Variants in DNAAF4 observed in about 807,000 individuals in gnomAD.
The protein encoded by DNAAF4 is dynein assembly factor 4, axonemal.
DNAAF4 carries 43 observed loss-of-function variants against 51.8 expected under a neutral mutation model. The observed-to-expected ratio is 0.83, with a 90% CI of 0.65 to 1.07. The LOEUF (loss-of-function observed/expected upper bound fraction) is 1.07. Among genes scored for constraint, DNAAF4 ranks in the 50% least tolerant of loss-of-function variants. DNAAF4 has a pLI of 0.00. For missense variants in DNAAF4, 581 were observed against 493.0 expected (o/e 1.18, Z -1.69); for synonymous variants, 194 against 165.6 (o/e 1.17, Z -1.32).
At chr15:55,468,246 C>T (rs575680010) in intron 4 of DNAAF4, among the ~76,000 whole-genome samples, 1 of 152,110 alleles carries the variant, frequency 6.6e-6, no homozygotes, top group African/African-American at 2.4e-5. Context: ...TTTAACATTA[C>T]GAGTATGAAA....
intron 3 of DNAAF4, among the ~76,000 whole-genome samples, chr15:55,496,412 T>C (rs1404944889): frequency 6.6e-6 from 1 of 152,194 alleles, no homozygotes; most frequent in Non-Finnish European, 1.5e-5. Flanking sequence ...GAACATCTGC[T>C]CTAGAGTGAA....
intron 4 of DNAAF4, among the ~76,000 whole-genome samples, chr15:55,482,531 G>A (rs554397170): frequency 2.6e-5 from 4 of 151,928 alleles, no homozygotes; most frequent in East Asian, 3.9e-4. Flanking sequence ...TACAAAAAAC[G>A]AGCTGGGCAT....
chr15:55,450,397 C>G (rs1490358291), intron 5 of DNAAF4, 30 bp from the exon 6 acceptor site: 1 of 1,596,574 alleles, frequency 6.3e-7, no homozygotes, highest in African/African-American at 1.3e-5. Context: ...AAACAAGTCA[C>G]TTATTTCTCA....
intron 5 of DNAAF4, among the ~76,000 whole-genome samples, chr15:55,456,673 C>T (rs1259536854): frequency 1.3e-5 from 2 of 152,180 alleles, no homozygotes; most frequent in Non-Finnish European, 2.9e-5. Flanking sequence ...CATGAAACAG[C>T]TGAAAAACCG....
chr15:55,446,192 G>A (rs191635507), intron 6 of DNAAF4, among the ~76,000 whole-genome samples: 5,666 of 139,818 alleles, frequency 0.041, 397 homozygotes, highest in African/African-American at 0.15. Context: ...CGGGGTGGCC[G>A]GGCAGAGGCG....
rs530527838 is a variant in DNAAF4 at position 55,435,116 on chromosome 15, A to T, written c.894-58T>A. ...TTAACATTGAAACAGAAACACAGAA[A>T]TAATATCTAATTGTATTTGACAAAG... On this transcript the variant is annotated intron_variant, in intron 7 of 9. Coordinates refer to ENST00000321149, the MANE Select transcript of DNAAF4 (RefSeq NM_130810.4). 35 of 1,516,782 alleles carry T rather than the reference A, an allele frequency of 2.3e-5. No individual in the cohort carries two copies. The South Asian group carries it at 4.4e-4, about 19-fold the overall frequency. 94.0% of individuals were successfully genotyped at this position (1,516,782 alleles called of 1,614,324 possible).
At position 55,497,832 on chromosome 15, in the gene DNAAF4, C is replaced by A. The variant is rs1371565343; in HGVS notation, c.151G>T (p.Ala51Ser). Residue 51 changes from alanine (A) to serine (S), a missense_variant, in exon 3 of 10, where the codon GCA becomes TCA. Physicochemically the swap from Ala to Ser is moderately conservative, Grantham distance 99 (BLOSUM62 1). Coordinates refer to ENST00000321149, the MANE Select transcript of DNAAF4 (RefSeq NM_130810.4). ...KVNFPPFLFE[A>S]FLYAPIDDES... ...TCGTCTATGGGAGCATAAAGAAATG[C>A]CTCAAATAAAAATGGAGGAAAGTTG... is the stretch of plus-strand genomic sequence containing the variant. 7.4e-6 allele frequency: 12 copies of A among 1,611,698 alleles called. No homozygotes were observed. The highest frequency in any genetic ancestry group is 3.4e-5 in the Admixed American group (2 of 59,552).
At position 55,419,000 on chromosome 15, in the gene DNAAF4, T is replaced by G. The variant is rs1173581656; in HGVS notation, c.1048-867A>C. Among the ~76,000 whole-genome samples, 3 of 145,328 alleles carry G rather than the reference T, an allele frequency of 2.1e-5. No homozygotes were observed. The East Asian group carries it at 6.3e-4, about 30-fold the overall frequency. ...AGTGCAGTGGTTGCTCACTGCGACC[T>G]CCGCCTCCCAGGTTCAAGCGATTTT... On this transcript the variant is annotated intron_variant, in intron 7 of 7. Coordinates refer to the DNAAF4 transcript ENST00000448430.
chr15:55,505,496 G>A (rs993862218), intron 1 of DNAAF4, among the ~76,000 whole-genome samples: 2 of 152,138 alleles, frequency 1.3e-5, no homozygotes, highest in Middle Eastern at 3.2e-3. Context: ...ATTCACAATA[G>A]CAAAGACTTG....
chr15:55,439,420 G>T, intron 7 of DNAAF4, 52 bp downstream of exon 7: 1 of 1,463,682 alleles, frequency 6.8e-7, no homozygotes, highest in Non-Finnish European at 9.5e-7. Context: ...TATGATAACT[G>T]CTAATGTCTT....
At chr15:55,500,907 G>T (rs1460893857) in intron 1 of DNAAF4, among the ~76,000 whole-genome samples, 1 of 147,134 alleles carries the variant, frequency 6.8e-6, no homozygotes, top group Non-Finnish European at 1.5e-5. Context: ...CAGGAGAATT[G>T]CTTGAACCCA....
intron 5 of DNAAF4, 92 bp from the exon 6 acceptor site, chr15:55,450,459 C>T (rs2057915081): frequency 3.0e-6 from 4 of 1,338,760 alleles, no homozygotes; most frequent in African/African-American, 1.5e-5. Flanking sequence ...AAGCTCACCC[C>T]CAAATCCTAA....
chr15:55,501,387 T>C (rs1174559049), intron 1 of DNAAF4, among the ~76,000 whole-genome samples: 1 of 144,066 alleles, frequency 6.9e-6, no homozygotes. Flanking sequence ...TTTTTTTTTT[T>C]TTTTTTGAGG....
Position 55,498,474 on chromosome 15 carries a change from C to G in DNAAF4, c.-145G>C, listed in dbSNP as rs1222842228. 3 of 1,256,488 alleles carry G rather than the reference C, an allele frequency of 2.4e-6. No homozygotes were observed. Among genetic ancestry groups the G allele is most frequent in the East Asian group, 2.6e-5 (1 of 38,226 alleles). The allele number at this position is 1,256,488 out of a possible 1,614,324, so 77.8% of individuals were successfully genotyped here. ...TTCCCAGCGTGCTCCGGCGCCAGCACCTCGCGGACTCCATGCGTGACTATC... is the reference window on the plus strand; with the variant it reads ...TTCCCAGCGTGCTCCGGCGCCAGCAGCTCGCGGACTCCATGCGTGACTATC... On this transcript the variant is annotated 5_prime_UTR_variant, in exon 2 of 10. Transcript: ENST00000321149.
At chr15:55,505,862 C>T (rs147853036) in intron 1 of DNAAF4, among the ~76,000 whole-genome samples, 1,686 of 152,252 alleles carry the variant, frequency 0.011, 16 homozygotes, top group South Asian at 0.016. Flanking sequence ...CACATGTATA[C>T]CTATGTAACA....
At chr15:55,485,755 G>A (rs1014878937) in intron 4 of DNAAF4, among the ~76,000 whole-genome samples, 43 of 152,180 alleles carry the variant, frequency 2.8e-4, no homozygotes, top group Non-Finnish European at 1.5e-5. Context: ...AGCACTTTGG[G>A]AGGCTGAGGC....
chr15:55,494,633 A>G (rs1042946708), intron 3 of DNAAF4, among the ~76,000 whole-genome samples: 2 of 151,318 alleles, frequency 1.3e-5, no homozygotes, highest in African/African-American at 4.9e-5. Context: ...GCTGGTCTCA[A>G]ACTCCTGACC....
In DNAAF4 at chr15:55,443,113, C is replaced by T. The variant is rs911444472; in HGVS notation, c.784-3532G>A. 9.9e-6 allele frequency: 16 copies of T among 1,610,376 alleles called. 1 individual carries two copies. Among genetic ancestry groups the T allele is most frequent in the South Asian group, 7.7e-5 (7 of 91,024 alleles). ...GTCTTGAATCCTTTCAGTAGGTGTA[C>T]GTTTATATGAAGGCAAACGTTTCCA... On this transcript the variant is annotated intron_variant, in intron 6 of 9. Transcript: ENST00000321149.
intron 7 of DNAAF4, among the ~76,000 whole-genome samples, chr15:55,438,745 A>T (rs569622551): frequency 3.9e-4 from 60 of 151,978 alleles, no homozygotes; most frequent in Admixed American, 3.4e-3. Flanking sequence ...AGATTGCACC[A>T]CTACACTCCA....
Sources: allele counts gnomAD v4.1 joint callset (sites outside exome capture counted in the v4.1 genomes callset), GRCh38; gene constraint gnomAD v4.1.1; transcripts MANE v1.5; gene names NCBI Gene and HGNC (gene_info 2026-07-23, HGNC 2026-07-21).